ATG10: variants seen among roughly 807,000 people sequenced by gnomAD.
The protein encoded by ATG10 is autophagy related 10.
In ATG10, 30 loss-of-function variants were observed where a neutral mutation model predicts 32.1. The ratio of observed to expected loss-of-function variants is 0.94; its 90% confidence interval spans 0.70 to 1.27. The LOEUF is 1.27. Among genes scored for constraint, ATG10 ranks in the 50% most tolerant of loss-of-function variants. The probability of loss-of-function intolerance (pLI) is 0.00; values close to 1 mark genes in which losing one functional copy is unlikely to be tolerated. For missense variants in ATG10, 233 were observed against 262.3 expected (o/e 0.89, Z 0.77); for synonymous variants, 87 against 91.5 (o/e 0.95, Z 0.28).
intron 1 of ATG10, among the ~76,000 whole-genome samples, chr5:81,977,691 C>T (rs1199834039): frequency 6.6e-6 from 1 of 152,178 alleles, no homozygotes; most frequent in African/African-American, 2.4e-5. Flanking sequence ...TTGGCCCTTA[C>T]TCAAATTTCA....
intron 3 of ATG10, among the ~76,000 whole-genome samples, chr5:82,096,154 T>C (rs1212298067): frequency 2.0e-5 from 3 of 152,194 alleles, no homozygotes; most frequent in African/African-American, 4.8e-5. Context: ...AAATAAAGAC[T>C]CAAAGCATCA....
intron 1 of ATG10, among the ~76,000 whole-genome samples, chr5:81,974,272 A>C (rs1231498459): frequency 6.6e-6 from 1 of 152,202 alleles, no homozygotes; most frequent in Non-Finnish European, 1.5e-5. Flanking sequence ...TTTTCAGGGG[A>C]CAAGCAGCCT....
rs1042311444 is a variant in ATG10 at position 82,156,162 on chromosome 5, C to T, written c.217-8237C>T. Among the ~76,000 whole-genome samples the T allele has an allele frequency of 4.0e-5, 6 of 151,424 alleles. No individual in the cohort carries two copies. The East Asian group carries it at 5.8e-4, about 15-fold the overall frequency. On this transcript the variant is annotated intron_variant, in intron 3 of 7. Coordinates refer to ENST00000282185, the MANE Select transcript of ATG10 (RefSeq NM_031482.5). ...TCCGAGAGGAGACCAAATGAAGTAA[C>T]GGTGGTTCTCAAAACATAGATGAGC...
intron 2 of ATG10, among the ~76,000 whole-genome samples, chr5:81,997,944 C>A (rs1340376495): frequency 6.6e-6 from 1 of 152,206 alleles, no homozygotes; most frequent in Middle Eastern, 3.2e-3. Context: ...GGAGAGAAAG[C>A]AAACAACTTG....
At chr5:82,037,311 G>GA (rs1278607134) in intron 2 of ATG10, among the ~76,000 whole-genome samples, 1 of 110,048 alleles carries the variant, frequency 9.1e-6, no homozygotes, top group African/African-American at 3.5e-5. Flanking sequence ...GCAGTGGCGG[G>GA]ATCTCGGCTC....
At chr5:81,986,189 C>T (rs1457791649) in intron 1 of ATG10, among the ~76,000 whole-genome samples, 4 of 152,202 alleles carry the variant, frequency 2.6e-5, no homozygotes, top group Admixed American at 6.5e-5. Flanking sequence ...TGAGCCACCG[C>T]GCCCAGCCCT....
intron 5 of ATG10, among the ~76,000 whole-genome samples, chr5:82,226,322 C>T (rs922617514): frequency 3.3e-5 from 5 of 152,100 alleles, no homozygotes; most frequent in Non-Finnish European, 5.9e-5. Context: ...TCAACACATA[C>T]ATTTCCACAC....
chr5:82,180,954 A>G (rs73768637), intron 5 of ATG10, among the ~76,000 whole-genome samples: 1,798 of 152,246 alleles, frequency 0.012, 27 homozygotes, highest in African/African-American at 0.042. Flanking sequence ...TTATTGATAG[A>G]ACTCTTACAT....
At chr5:82,116,795 G>A (rs1765829519) in intron 3 of ATG10, among the ~76,000 whole-genome samples, 1 of 152,102 alleles carries the variant, frequency 6.6e-6, no homozygotes, top group South Asian at 2.1e-4. Flanking sequence ...GAATGAAGGT[G>A]TGATATGGCT....
At chr5:81,983,965 C>T (rs1761168132) in intron 1 of ATG10, among the ~76,000 whole-genome samples, 1 of 151,084 alleles carries the variant, frequency 6.6e-6, no homozygotes, top group Admixed American at 6.6e-5. Context: ...AAGAGGCGCT[C>T]CTCACTTCCT....
intron 3 of ATG10, among the ~76,000 whole-genome samples, chr5:82,100,718 C>T (rs1765241190): frequency 6.7e-6 from 1 of 149,506 alleles, no homozygotes; most frequent in African/African-American, 2.5e-5. Context: ...ATATACAAGG[C>T]AGGGAAAGTC....
chr5:82,027,829 T>C (rs188178108), intron 2 of ATG10, among the ~76,000 whole-genome samples: 33 of 152,328 alleles, frequency 2.2e-4, no homozygotes, highest in Admixed American at 1.4e-3. Context: ...TCTTTTTTTT[T>C]CCTCAGCCTA....
At chr5:82,139,958 C>T (rs1767007603) in intron 3 of ATG10, among the ~76,000 whole-genome samples, 1 of 135,000 alleles carries the variant, frequency 7.4e-6, no homozygotes, top group Non-Finnish European at 1.6e-5. Context: ...AGCCCTCCGC[C>T]CGGCCAGCCG....
intron 3 of ATG10, among the ~76,000 whole-genome samples, chr5:82,092,457 C>T (rs938578018): frequency 2.6e-5 from 4 of 152,110 alleles, no homozygotes; most frequent in African/African-American, 7.2e-5. Context: ...CTTGCAGCAA[C>T]GTGGTTTACT....
chr5:82,031,125 G>A (rs1196403922), intron 2 of ATG10, among the ~76,000 whole-genome samples: 1 of 152,114 alleles, frequency 6.6e-6, no homozygotes, highest in Non-Finnish European at 1.5e-5. Flanking sequence ...TAGAAGTGGT[G>A]AGTTTGATCT....
intron 2 of ATG10, among the ~76,000 whole-genome samples, chr5:82,017,539 G>T (rs1344094439): frequency 2.0e-5 from 3 of 152,120 alleles, no homozygotes; most frequent in African/African-American, 7.2e-5. Context: ...TTGGCTGTGG[G>T]TTTGTCATAG....
chr5:82,234,890 A>C (rs971525130), intron 5 of ATG10, among the ~76,000 whole-genome samples: 1 of 152,180 alleles, frequency 6.6e-6, no homozygotes, highest in African/African-American at 2.4e-5. Flanking sequence ...TTTTGACAAC[A>C]AAGTATTACT....
At position 82,046,332 on chromosome 5, in the gene ATG10, A is replaced by G. The variant is rs571834179; in HGVS notation, c.109-12163A>G. Among the ~76,000 whole-genome samples the G allele has an allele frequency of 1.8e-4, 27 of 152,362 alleles. No homozygotes were observed. The South Asian group carries it at 5.0e-3, about 28-fold the overall frequency. The stretch of plus-strand genomic sequence containing the variant: ...TGGATTAGGGTGAGTCCTAAATCCA[A>G]TACGACTGGTATCTTTATAAGAAGA... On this transcript the variant is annotated intron_variant, in intron 2 of 7. Transcript: ENST00000282185.
chr5:81,984,125 A>G (rs1288229552), intron 1 of ATG10, among the ~76,000 whole-genome samples: 2 of 152,242 alleles, frequency 1.3e-5, no homozygotes, highest in African/African-American at 2.4e-5. Context: ...ACTGCACTCC[A>G]GCCTGGGCAC....
Sources: gnomAD v4.1 joint callset for allele counts (sites outside exome capture counted in the v4.1 genomes callset) on GRCh38, gnomAD v4.1.1 for gene constraint, MANE v1.5 for transcripts, NCBI Gene and HGNC (gene_info 2026-07-23, HGNC 2026-07-21) for gene names.